Variants in OSBPL3 observed in about 807,000 individuals in gnomAD.
OSBPL3 encodes the protein oxysterol binding protein like 3.
OSBPL3 carries 65 observed loss-of-function variants against 120.1 expected under a neutral mutation model. That is an observed-to-expected ratio of 0.54 (90% confidence interval 0.44 to 0.67). The LOEUF is 0.67. OSBPL3 is among the 30% of genes least tolerant of loss of function. OSBPL3 has a pLI of 0.00. For missense variants in OSBPL3, 1,004 were observed against 1,082.1 expected, an observed-to-expected ratio of 0.93 and a Z score of 1.01; for synonymous variants, 416 against 402.6, an observed-to-expected ratio of 1.03 and a Z score of -0.40.
chr7:24,893,037 C>T (rs536610705), intron 1 of OSBPL3, among the ~76,000 whole-genome samples: 8 of 152,194 alleles, frequency 5.3e-5, no homozygotes, highest in Admixed American at 2.0e-4. Flanking sequence ...ATGGCATAGC[C>T]GTGGTGGAAA....
rs1165861971 is a variant in OSBPL3 at position 24,891,829 on chromosome 7, C to T, written c.96+548G>A. On this transcript the variant is annotated intron_variant, in intron 2 of 22. Coordinates refer to ENST00000313367, the MANE Select transcript of OSBPL3 (RefSeq NM_015550.4). This position sits in a 1 kb window ranked among gnomAD's most constrained non-coding sequence, Gnocchi z 4.1. Reference sequence around the variant, plus strand: ...CATTTTTCTGTAGATTAGGTTACCTCATCCATTATAGATATAAAGCAGGTG... The same window carrying T: ...CATTTTTCTGTAGATTAGGTTACCTTATCCATTATAGATATAAAGCAGGTG... 1.3e-5 allele frequency among the ~76,000 whole-genome samples: 2 copies of T among 152,194 alleles called. No individual in the cohort carries two copies. Among genetic ancestry groups the T allele is most frequent in the African/African-American group, 4.8e-5 (2 of 41,454 alleles).
At chr7:24,869,874 A>G (rs1196318162) in intron 5 of OSBPL3, among the ~76,000 whole-genome samples, 14 of 152,162 alleles carry the variant, frequency 9.2e-5, no homozygotes, top group Admixed American at 9.2e-4. Flanking sequence ...TGATTTTCCT[A>G]ATCCTCAGGC....
chr7:24,933,721 T>TC lies in OSBPL3; in HGVS notation c.-149-41101dup, dbSNP rs1207855715. 1.3e-5 allele frequency among the ~76,000 whole-genome samples: 2 copies of TC among 152,354 alleles called. No homozygotes were observed. Among genetic ancestry groups the TC allele is most frequent in the East Asian group, 3.9e-4 (2 of 5,188 alleles). On this transcript the variant is annotated intron_variant, in intron 1 of 22. Transcript: ENST00000313367. The surrounding 1 kb of genome is among the most constrained non-coding windows in gnomAD (Gnocchi z 5.1). The stretch of plus-strand genomic sequence containing the variant: ...TTGAGGCAAGTATTTGCCTATGCTC[T>TC]CAGTTCTGATCATAAGTTGATATTT...
Position 24,933,663 on chromosome 7 carries a change from G to C in OSBPL3, c.-149-41042C>G, listed in dbSNP as rs1812057420. Among the ~76,000 whole-genome samples the C allele has an allele frequency of 6.6e-6, 1 of 152,170 alleles. No individual in the cohort carries two copies. Among genetic ancestry groups the C allele is most frequent in the Non-Finnish European group, 1.5e-5 (1 of 68,034 alleles). On this transcript the variant is annotated intron_variant, in intron 1 of 22. Transcript: ENST00000313367. The surrounding 1 kb of genome is among the most constrained non-coding windows in gnomAD (Gnocchi z 5.1). ...TAAGCTTGTGTAAAAAAGAAATGTT[G>C]CATTTCTATCATTTATTTATCTTAA...
At position 24,830,167 on chromosome 7, in the gene OSBPL3, A is replaced by C. The variant is rs1163904150; in HGVS notation, c.1884+601T>G. Among the ~76,000 whole-genome samples, 1 of 152,068 alleles carries C rather than the reference A, an allele frequency of 6.6e-6. No individual in the cohort carries two copies. The highest frequency in any genetic ancestry group is 2.4e-5 in the African/African-American group (1 of 41,386). ...ACTTCTATGGCAAGAGTGTGATGGA[A>C]CCTTAGGCTGCATGAGTACAAGGTT... On this transcript the variant is annotated intron_variant, in intron 16 of 22. Coordinates refer to ENST00000313367, the MANE Select transcript of OSBPL3 (RefSeq NM_015550.4). This position sits in a 1 kb window ranked among gnomAD's most constrained non-coding sequence, Gnocchi z 4.4.
Position 24,933,953 on chromosome 7 carries a change from G to A in OSBPL3, c.-149-41332C>T, listed in dbSNP as rs1041790013. Among the ~76,000 whole-genome samples the A allele has an allele frequency of 1.3e-5, 2 of 152,184 alleles. No individual in the cohort carries two copies. The highest frequency in any genetic ancestry group is 2.9e-5 in the Non-Finnish European group (2 of 68,012). On this transcript the variant is annotated intron_variant, in intron 1 of 22. Coordinates refer to ENST00000313367, the MANE Select transcript of OSBPL3 (RefSeq NM_015550.4). The surrounding 1 kb of genome is among the most constrained non-coding windows in gnomAD (Gnocchi z 5.1). Reference sequence around the variant, plus strand: ...TTAGTCTATAAATACCTTTATAGATGACATTAGAAAAGCAAAGTTTAAGAA... The same window carrying A: ...TTAGTCTATAAATACCTTTATAGATAACATTAGAAAAGCAAAGTTTAAGAA...
chr7:24,850,397 G>A (rs1798999868), intron 11 of OSBPL3, among the ~76,000 whole-genome samples: 1 of 152,196 alleles, frequency 6.6e-6, no homozygotes, highest in African/African-American at 2.4e-5. Context: ...CTCCACGGGT[G>A]CTCGCATGCA....
At chr7:24,960,839 T>C (rs1815641901) in intron 1 of OSBPL3, among the ~76,000 whole-genome samples, 1 of 152,162 alleles carries the variant, frequency 6.6e-6, no homozygotes, top group Non-Finnish European at 1.5e-5. Context: ...TATCACCAAG[T>C]ACATAGTCCC....
At chr7:24,980,391 G>C (rs960092235), upstream of OSBPL3, among the ~76,000 whole-genome samples, 15 of 152,060 alleles carry the variant, frequency 9.9e-5, no homozygotes, top group Admixed American at 6.5e-4. Flanking sequence ...GGGGAACTAG[G>C]GACCCCGGAT....
chr7:24,834,257 G>A lies in OSBPL3; in HGVS notation c.1746+229C>T. Reference sequence around the variant, plus strand: ...AAACCCACAGAACAGAACTACCCCAGGCACCAAGTGCCACGGAGAAGCACC... The same window carrying A: ...AAACCCACAGAACAGAACTACCCCAAGCACCAAGTGCCACGGAGAAGCACC... On this transcript the variant is annotated intron_variant, in intron 15 of 22. Transcript: ENST00000313367. The surrounding 1 kb of genome is among the most constrained non-coding windows in gnomAD (Gnocchi z 5.2). 5 of 1,345,998 alleles carry A rather than the reference G, an allele frequency of 3.7e-6. No homozygotes were observed. Among genetic ancestry groups the A allele is most frequent in the Non-Finnish European group, 4.8e-6 (5 of 1,040,308 alleles). The allele number at this position is 1,345,998 out of a possible 1,614,324, so 83.4% of individuals were successfully genotyped here.
Position 24,806,924 on chromosome 7 carries a change from C to G in OSBPL3, c.2318-22G>C. The G allele has an allele frequency of 1.3e-6, 2 of 1,597,284 alleles. No individual in the cohort carries two copies. Among genetic ancestry groups the G allele is most frequent in the Non-Finnish European group, 1.7e-6 (2 of 1,170,116 alleles). On this transcript the variant is annotated intron_variant, in intron 20 of 22. Coordinates refer to ENST00000313367, the MANE Select transcript of OSBPL3 (RefSeq NM_015550.4). The surrounding 1 kb of genome is among the most constrained non-coding windows in gnomAD (Gnocchi z 5.2). ...GGATCTAAGAAGAAAATAAATCATT[C>G]ACCCCTAACTTGCATGTTACTTATG... is the stretch of plus-strand genomic sequence containing the variant.
At chr7:24,888,754 G>C (rs1444453702) in intron 2 of OSBPL3, among the ~76,000 whole-genome samples, 3 of 152,158 alleles carry the variant, frequency 2.0e-5, no homozygotes, top group Admixed American at 6.5e-5. Context: ...GATTTTATAT[G>C]AATAGGTCTG....
intron 2 of OSBPL3, among the ~76,000 whole-genome samples, chr7:24,885,564 C>G (rs1804395819): frequency 6.6e-6 from 1 of 152,236 alleles, no homozygotes; most frequent in African/African-American, 2.4e-5. Flanking sequence ...CTCTCCATTT[C>G]AAAACCCCTG....
rs1375989725 is a variant in OSBPL3 at position 24,939,291 on chromosome 7, G to A, written c.-150+40595C>T. Among the ~76,000 whole-genome samples the A allele has an allele frequency of 6.6e-6, 1 of 152,206 alleles. No individual in the cohort carries two copies. Among genetic ancestry groups the A allele is most frequent in the Non-Finnish European group, 1.5e-5 (1 of 68,040 alleles). ...TTGTCTGCCCAGTAGCCATTCTCCT[G>A]TGCTTCTTTGTGGCTGACAAGAATT... is the stretch of plus-strand genomic sequence containing the variant. On this transcript the variant is annotated intron_variant, in intron 1 of 22. Coordinates refer to ENST00000313367, the MANE Select transcript of OSBPL3 (RefSeq NM_015550.4). This position sits in a 1 kb window ranked among gnomAD's most constrained non-coding sequence, Gnocchi z 4.2.
rs530103710 is a variant in OSBPL3 at position 24,937,858 on chromosome 7, G to A, written c.-150+42028C>T. Among the ~76,000 whole-genome samples the A allele has an allele frequency of 6.6e-6, 1 of 152,288 alleles. No homozygotes were observed. Among genetic ancestry groups the A allele is most frequent in the South Asian group, 2.1e-4 (1 of 4,826 alleles). ...TGAACAAATTTGTGAGTGTAGAAAC[G>A]ATATTCTTGTTCTGGTTTTATATTA... On this transcript the variant is annotated intron_variant, in intron 1 of 22. Coordinates refer to ENST00000313367, the MANE Select transcript of OSBPL3 (RefSeq NM_015550.4). The surrounding 1 kb of genome is among the most constrained non-coding windows in gnomAD (Gnocchi z 4.0).
At chr7:24,876,625 G>A (rs1018398940) in intron 2 of OSBPL3, among the ~76,000 whole-genome samples, 3 of 152,100 alleles carry the variant, frequency 2.0e-5, no homozygotes, top group African/African-American at 7.2e-5. Flanking sequence ...CAAGTAAATG[G>A]CACTGAGTAG....
Position 24,815,096 on chromosome 7 carries a change from T to C in OSBPL3, c.2135A>G (p.His712Arg), listed in dbSNP as rs1190611129. Residue 712 changes from histidine (H) to arginine (R), a missense_variant, in exon 19 of 23, where the codon CAT becomes CGT. His to Arg is a conservative substitution (Grantham distance 29). Coordinates refer to ENST00000313367, the MANE Select transcript of OSBPL3 (RefSeq NM_015550.4). The surrounding 1 kb of genome is among the most constrained non-coding windows in gnomAD (Gnocchi z 5.1). ...HYGEIVIKNL[H>R]DDSCYCKVNF... Reference sequence around the variant, plus strand: ...CACTTTGCAGTAGCAGGAATCATCATGCAGGTTCTTGATGACAATCTCTCC... The same window carrying C: ...CACTTTGCAGTAGCAGGAATCATCACGCAGGTTCTTGATGACAATCTCTCC... The C allele has an allele frequency of 4.3e-6, 7 of 1,613,712 alleles. No homozygotes were observed. The highest frequency in any genetic ancestry group is 1.6e-4 in the Middle Eastern group (1 of 6,062).
At chr7:24,903,883 A>ATTTT (rs5882953) in intron 1 of OSBPL3, among the ~76,000 whole-genome samples, 3 of 138,930 alleles carry the variant, frequency 2.2e-5, no homozygotes, top group Non-Finnish European at 3.1e-5. Flanking sequence ...CTCACCACCA[A>ATTTT]TTTTTTTTTT....
At chr7:24,875,301 G>A (rs1191496082) in intron 2 of OSBPL3, among the ~76,000 whole-genome samples, 2 of 152,134 alleles carry the variant, frequency 1.3e-5, no homozygotes, top group South Asian at 2.1e-4. Flanking sequence ...TTTAGAGAAC[G>A]ATATTGCTGA....
Sources: gnomAD v4.1 joint callset for allele counts (sites outside exome capture counted in the v4.1 genomes callset) on GRCh38, gnomAD v4.1.1 for gene constraint, Gnocchi (gnomAD v3.1) non-coding constraint, MANE v1.5 for transcripts, NCBI Gene and HGNC (gene_info 2026-07-23, HGNC 2026-07-21) for gene names.